Variants in FRMD5 observed in about 807,000 individuals in gnomAD.
FRMD5 encodes FERM domain-containing protein 5.
FRMD5 carries 20 observed loss-of-function variants against 69.0 expected under a neutral mutation model. That is an observed-to-expected ratio of 0.29 (90% CI 0.20 to 0.42). The LOEUF is 0.42. Among genes scored for constraint, FRMD5 ranks in the 10% least tolerant of loss-of-function variants. The probability of loss-of-function intolerance (pLI) is 1.00; values close to 1 mark genes in which losing one functional copy is unlikely to be tolerated. For synonymous variants in FRMD5, 271 were observed against 260.1 expected (o/e 1.04, Z -0.40); for missense variants, 595 against 708.6 (o/e 0.84, Z 1.82).
intron 1 of FRMD5, among the ~76,000 whole-genome samples, chr15:43,958,723 C>T (rs1166020029): frequency 6.6e-6 from 1 of 152,210 alleles, no homozygotes; most frequent in Non-Finnish European, 1.5e-5. Context: ...TCTGGGGTTA[C>T]AGGCGTGAGC....
At chr15:44,077,978 T>C (rs1045005044) in intron 1 of FRMD5, among the ~76,000 whole-genome samples, 1 of 152,134 alleles carries the variant, frequency 6.6e-6, no homozygotes, top group Non-Finnish European at 1.5e-5. Context: ...ATATTTTTTA[T>C]GTCTATATTA....
chr15:44,071,722 T>C (rs1447808945), intron 1 of FRMD5, among the ~76,000 whole-genome samples: 1 of 152,238 alleles, frequency 6.6e-6, no homozygotes, highest in African/African-American at 2.4e-5. Flanking sequence ...TTCCATCATT[T>C]CAGCCTATGA....
At chr15:44,072,795 AAACT>A (rs1293249190) in intron 1 of FRMD5, among the ~76,000 whole-genome samples, 1 of 152,184 alleles carries the variant, frequency 6.6e-6, no homozygotes, top group African/African-American at 2.4e-5. Flanking sequence ...AAAAAAAAAC[AAACT>A]GTGTTTTCCA....
At position 44,115,202 on chromosome 15, in the gene FRMD5, T is replaced by C. The variant is rs574612003; in HGVS notation, c.102+79751A>G. Among the ~76,000 whole-genome samples the C allele has an allele frequency of 5.3e-5, 8 of 152,316 alleles. No homozygotes were observed. In the East Asian group the frequency reaches 1.5e-3, roughly 29 times the overall value. ...TAATATTGGAACATAAGTCAAATTA[T>C]ATAAATACAACATACTCTTCTCATA... On this transcript the variant is annotated intron_variant, in intron 1 of 13. Coordinates refer to ENST00000417257, the MANE Select transcript of FRMD5 (RefSeq NM_032892.5).
chr15:44,143,886 T>C (rs947461355), intron 1 of FRMD5, among the ~76,000 whole-genome samples: 10 of 128,764 alleles, frequency 7.8e-5, no homozygotes, highest in Non-Finnish European at 1.6e-4. Flanking sequence ...ATCATGCCAC[T>C]GCACGCCAGT....
rs116202110 is a variant in FRMD5, at chr15:43,973,959, G to A, written c.103-49650C>T. Among the ~76,000 whole-genome samples, 440 of 149,600 alleles carry A rather than the reference G, an allele frequency of 2.9e-3. 5 individuals are homozygous for A. Among genetic ancestry groups the A allele is most frequent in the African/African-American group, 0.011 (428 of 40,560 alleles). ...ATTTAGGCCTAGTAAATTTCTTCTT[G>A]TTGATTTTAGCCCACTGTTTCAGTA... is the stretch of plus-strand genomic sequence containing the variant. On this transcript the variant is annotated intron_variant, in intron 1 of 13. Coordinates refer to ENST00000417257, the MANE Select transcript of FRMD5 (RefSeq NM_032892.5).
chr15:43,947,435 C>T (rs544229738), intron 1 of FRMD5, among the ~76,000 whole-genome samples: 32 of 152,216 alleles, frequency 2.1e-4, no homozygotes, highest in Non-Finnish European at 3.2e-4. Flanking sequence ...AACTATCTTC[C>T]TATAGTGTTT....
chr15:43,964,971 G>A (rs2090268828), intron 1 of FRMD5, among the ~76,000 whole-genome samples: 2 of 152,174 alleles, frequency 1.3e-5, no homozygotes, highest in African/African-American at 2.4e-5. Flanking sequence ...TAAAGGGCAA[G>A]CAAAGAAAGA....
At position 44,098,546 on chromosome 15, in the gene FRMD5, G is replaced by A. The variant is rs1383091785; in HGVS notation, c.102+96407C>T. ...CTCAAAAAAAAAAAAAAAAGAGAGA[G>A]AGAGACATAAGCAGAAAAGCAATCT... On this transcript the variant is annotated intron_variant, in intron 1 of 13. Coordinates refer to ENST00000417257, the MANE Select transcript of FRMD5 (RefSeq NM_032892.5). Among the ~76,000 whole-genome samples the A allele has an allele frequency of 4.0e-5, 6 of 150,356 alleles. No homozygotes were observed. The East Asian group carries it at 1.2e-3, about 29-fold the overall frequency.
At chr15:44,123,057 A>G (rs964184102) in intron 1 of FRMD5, among the ~76,000 whole-genome samples, 4 of 152,172 alleles carry the variant, frequency 2.6e-5, no homozygotes, top group Non-Finnish European at 5.9e-5. Flanking sequence ...TCAAAATGAT[A>G]TGGCAGGCCT....
At chr15:44,065,773 G>A (rs1339738991) in intron 1 of FRMD5, among the ~76,000 whole-genome samples, 3 of 152,064 alleles carry the variant, frequency 2.0e-5, no homozygotes, top group Admixed American at 2.0e-4. Context: ...AACTTTAAAG[G>A]TCAACTTATA....
chr15:44,108,618 C>G lies in FRMD5; in HGVS notation c.102+86335G>C, dbSNP rs143521755. On this transcript the variant is annotated intron_variant, in intron 1 of 13. Coordinates refer to ENST00000417257, the MANE Select transcript of FRMD5 (RefSeq NM_032892.5). Reference sequence around the variant, plus strand: ...CGAGATCACGCCATTGCACTCCAGCCTGGGCAACAAGAGTGAAACTCTGTC... The same window carrying G: ...CGAGATCACGCCATTGCACTCCAGCGTGGGCAACAAGAGTGAAACTCTGTC... Among the ~76,000 whole-genome samples, 708 of 152,228 alleles carry G rather than the reference C, an allele frequency of 4.7e-3. 11 individuals are homozygous for G. Among genetic ancestry groups the G allele is most frequent in the African/African-American group, 0.016 (676 of 41,530 alleles).
At chr15:44,081,048 G>A (rs1310156125) in intron 1 of FRMD5, among the ~76,000 whole-genome samples, 2 of 151,988 alleles carry the variant, frequency 1.3e-5, no homozygotes, top group Non-Finnish European at 2.9e-5. Context: ...CTACCCCACT[G>A]AGGATCATGG....
intron 1 of FRMD5, among the ~76,000 whole-genome samples, chr15:44,025,718 A>T (rs1412087377): frequency 6.6e-6 from 1 of 152,178 alleles, no homozygotes; most frequent in African/African-American, 2.4e-5. Context: ...GGAGTATTAA[A>T]TATGAATAGT....
At chr15:43,972,472 C>T (rs949815879) in intron 1 of FRMD5, among the ~76,000 whole-genome samples, 1 of 152,046 alleles carries the variant, frequency 6.6e-6, no homozygotes, top group Admixed American at 6.6e-5. Context: ...CTAATCTGAT[C>T]TCTCACCTGA....
At chr15:43,965,984 A>G (rs2090289058) in intron 1 of FRMD5, among the ~76,000 whole-genome samples, 1 of 152,132 alleles carries the variant, frequency 6.6e-6, no homozygotes, top group Non-Finnish European at 1.5e-5. Context: ...TTTAGGTAAT[A>G]TTTTTCCACA....
intron 7 of FRMD5, among the ~76,000 whole-genome samples, chr15:43,898,564 G>A (rs865991693): frequency 1.6e-4 from 24 of 152,316 alleles, no homozygotes; most frequent in East Asian, 3.9e-4. Context: ...GGACATCTCC[G>A]TAAGTTGGGC....
At chr15:44,036,345 A>C (rs1390994741) in intron 1 of FRMD5, among the ~76,000 whole-genome samples, 1 of 151,498 alleles carries the variant, frequency 6.6e-6, no homozygotes, top group African/African-American at 2.4e-5. Flanking sequence ...ACATTCTCTT[A>C]TCTTCAAATT....
chr15:43,904,068 C>T (rs530382549), intron 6 of FRMD5, among the ~76,000 whole-genome samples: 60 of 152,262 alleles, frequency 3.9e-4, no homozygotes, highest in Non-Finnish European at 3.7e-4. Flanking sequence ...TCCATTTGTT[C>T]GGTGTCGCCA....
Sources: allele counts gnomAD v4.1 joint callset (sites outside exome capture counted in the v4.1 genomes callset), GRCh38; gene constraint gnomAD v4.1.1; transcripts MANE v1.5; gene names NCBI Gene and HGNC (gene_info 2026-07-23, HGNC 2026-07-21).